DTHD1: variants seen among roughly 807,000 people sequenced by gnomAD.
DTHD1 encodes the protein death domain containing 1.
A neutral mutation model predicts 74.8 loss-of-function variants in DTHD1; 59 were observed. The observed-to-expected ratio is 0.79, with a 90% confidence interval of 0.64 to 0.98. The LOEUF is 0.98. DTHD1 is among the 50% of genes least tolerant of loss of function. DTHD1 has a pLI of 0.00. For synonymous variants in DTHD1, 365 were observed against 371.1 expected, an observed-to-expected ratio of 0.98 and a Z score of 0.19; for missense variants, 1,051 against 1,065.4, an observed-to-expected ratio of 0.99 and a Z score of 0.19.
At chr4:36,310,679 A>T (rs938883327) in intron 7 of DTHD1, among the ~76,000 whole-genome samples, 2 of 152,280 alleles carry the variant, frequency 1.3e-5, no homozygotes, top group African/African-American at 4.8e-5. Context: ...TTTGCTTCAA[A>T]AAAGGGACAA....
intron 8 of DTHD1, among the ~76,000 whole-genome samples, chr4:36,330,081 A>C (rs575696230): frequency 3.3e-5 from 5 of 152,230 alleles, no homozygotes; most frequent in Non-Finnish European, 5.9e-5. Context: ...CAGATACATG[A>C]TATAACTCAA....
At chr4:36,286,451 A>T (rs1755716348) in intron 2 of DTHD1, among the ~76,000 whole-genome samples, 1 of 152,204 alleles carries the variant, frequency 6.6e-6, no homozygotes, top group African/African-American at 2.4e-5. Context: ...GCCACATAAA[A>T]GATGTGTGTG....
rs1473472788 is a variant in DTHD1, at chr4:36,284,001, C to T, written c.297C>T (p.Leu99=). The T allele has an allele frequency of 3.9e-6, 6 of 1,536,136 alleles. No homozygotes were observed. The highest frequency in any genetic ancestry group is 1.4e-5 in the African/African-American group (1 of 72,980). Residue 99 remains leucine, a synonymous_variant, in exon 2 of 10, where the codon CTC becomes CTT. Transcript: ENST00000639862. Reference sequence around the variant, plus strand: ...AAATCATTACTTTCATAGACTGCCTCATAAAAATAACTGAACATTTGGGGA... The same window carrying T: ...AAATCATTACTTTCATAGACTGCCTTATAAAAATAACTGAACATTTGGGGA... ...RKEIITFIDC[L]IKITEHLGST...
intron 7 of DTHD1, among the ~76,000 whole-genome samples, chr4:36,310,308 G>T (rs552233770): frequency 6.6e-6 from 1 of 152,320 alleles, no homozygotes; most frequent in South Asian, 2.1e-4. Flanking sequence ...AAGAGATGAA[G>T]AGAAAGAGAA....
In DTHD1 at chr4:36,316,414, G is replaced by C; in HGVS notation, c.2268G>C (p.Leu756Phe). Residue 756 changes from leucine (L) to phenylalanine (F), a missense_variant, in exon 8 of 10, where the codon TTG becomes TTC. Coordinates refer to ENST00000639862, the MANE Select transcript of DTHD1 (RefSeq NM_001170700.3). ...CTAAAGGAAAGATAGTCCCCAACTTGAATCAATCTCTCGTAATTAATGAAA... is the reference window on the plus strand; with the variant it reads ...CTAAAGGAAAGATAGTCCCCAACTTCAATCAATCTCTCGTAATTAATGAAA... ...KVPKGKIVPN[L>F]NQSLVINENH... 6.4e-7 allele frequency: 1 copy of C among 1,551,980 alleles called. No homozygotes were observed. The highest frequency in any genetic ancestry group is 8.7e-7 in the Non-Finnish European group (1 of 1,147,046).
Position 36,344,076 on chromosome 4 carries a change from A to G in DTHD1, c.*252A>G. 1 of 430,066 alleles carries G rather than the reference A, an allele frequency of 2.3e-6. No homozygotes were observed. The highest frequency in any genetic ancestry group is 4.2e-6 in the Non-Finnish European group (1 of 239,814). 26.6% of individuals were successfully genotyped at this position (430,066 alleles called of 1,614,324 possible). A position where few individuals can be genotyped will look rare whatever the true frequency, so the allele number is the denominator to read the frequency against. On this transcript the variant is annotated 3_prime_UTR_variant, in exon 10 of 10. Coordinates refer to ENST00000639862, the MANE Select transcript of DTHD1 (RefSeq NM_001170700.3). ...ACTGTCTTGAGTTTGGCCTCACTTA[A>G]TAGCATTTGCAATTGAGTTTGACTT...
intron 8 of DTHD1, among the ~76,000 whole-genome samples, chr4:36,334,365 T>C (rs1578492340): frequency 6.6e-6 from 1 of 150,780 alleles, no homozygotes; most frequent in Non-Finnish European, 1.5e-5. Context: ...TTGGTTTTTT[T>C]TTTTTTTTTT....
chr4:36,330,217 T>A (rs1167433653), intron 8 of DTHD1, among the ~76,000 whole-genome samples: 2 of 152,194 alleles, frequency 1.3e-5, no homozygotes, highest in African/African-American at 4.8e-5. Flanking sequence ...TACCTCCATC[T>A]AATACTACTG....
At chr4:36,297,513 G>T (rs1299770259) in intron 5 of DTHD1, among the ~76,000 whole-genome samples, 3 of 151,908 alleles carry the variant, frequency 2.0e-5, no homozygotes, top group African/African-American at 4.8e-5. Context: ...CCCCCAAGCC[G>T]AAGCAATTAA....
At chr4:36,300,896 T>C (rs1185137263) in intron 5 of DTHD1, among the ~76,000 whole-genome samples, 1 of 152,238 alleles carries the variant, frequency 6.6e-6, no homozygotes, top group East Asian at 1.9e-4. Flanking sequence ...TTGGAGGTAG[T>C]GTACTTAGAA....
At chr4:36,296,464 A>G (rs1756404210) in intron 5 of DTHD1, among the ~76,000 whole-genome samples, 1 of 152,174 alleles carries the variant, frequency 6.6e-6, no homozygotes, top group South Asian at 2.1e-4. Context: ...AAAAATTTAT[A>G]TGAAAGAGAG....
intron 8 of DTHD1, among the ~76,000 whole-genome samples, chr4:36,327,259 G>A (rs561790327): frequency 7.9e-5 from 12 of 152,220 alleles, no homozygotes; most frequent in African/African-American, 1.9e-4. Flanking sequence ...GAGCCACCGC[G>A]CCTGGCCCAG....
At chr4:36,299,677 A>C (rs1416738785) in intron 5 of DTHD1, among the ~76,000 whole-genome samples, 1 of 152,020 alleles carries the variant, frequency 6.6e-6, no homozygotes, top group East Asian at 1.9e-4. Context: ...CTCTTTTTAA[A>C]TTCCGTATTG....
chr4:36,340,285 A>G (rs1759243295), intron 9 of DTHD1, among the ~76,000 whole-genome samples: 1 of 152,244 alleles, frequency 6.6e-6, no homozygotes, highest in Admixed American at 6.5e-5. Context: ...AAATTTGTCA[A>G]CAGGGGACTG....
chr4:36,302,606 A>C (rs899343297), intron 5 of DTHD1, among the ~76,000 whole-genome samples: 5 of 152,226 alleles, frequency 3.3e-5, no homozygotes, highest in African/African-American at 1.2e-4. Context: ...AAATATGTCA[A>C]ATATTTCACC....
chr4:36,330,258 G>T (rs1758587884), intron 8 of DTHD1, among the ~76,000 whole-genome samples: 1 of 152,198 alleles, frequency 6.6e-6, no homozygotes, highest in Non-Finnish European at 1.5e-5. Context: ...TATGTAAATA[G>T]TAAGCGTAGT....
At chr4:36,342,931 A>AAAAG (rs1036024497) in intron 9 of DTHD1, among the ~76,000 whole-genome samples, 2 of 150,916 alleles carry the variant, frequency 1.3e-5, no homozygotes, top group African/African-American at 4.9e-5. Flanking sequence ...AAAAAAAAAA[A>AAAAG]AAAAAAAATC....
intron 7 of DTHD1, among the ~76,000 whole-genome samples, chr4:36,312,254 G>C (rs61796604): frequency 0.12 from 17,465 of 151,156 alleles, 1,142 homozygotes; most frequent in Non-Finnish European, 0.13. Context: ...AATGCCCTGT[G>C]AGGTCTGCCT....
At chr4:36,331,823 C>T (rs1758697024) in intron 8 of DTHD1, among the ~76,000 whole-genome samples, 1 of 152,218 alleles carries the variant, frequency 6.6e-6, no homozygotes, top group South Asian at 2.1e-4. Context: ...TCAGAAAGTT[C>T]TTACCGTGTT....
Sources: allele counts gnomAD v4.1 joint callset (sites outside exome capture counted in the v4.1 genomes callset), GRCh38; gene constraint gnomAD v4.1.1; transcripts MANE v1.5; gene names NCBI Gene and HGNC (gene_info 2026-07-23, HGNC 2026-07-21).